PLIN5: variants seen among roughly 807,000 people sequenced by gnomAD.
The protein encoded by PLIN5 is perilipin 5, also known as perilipin-5.
A neutral mutation model predicts 32.8 loss-of-function variants in PLIN5; 34 were observed. That is an observed-to-expected ratio of 1.04 (90% confidence interval 0.79 to 1.38). The LOEUF is 1.38. Ranked by LOEUF, PLIN5 falls within the 40% of genes most tolerant of loss-of-function variation. The pLI is 0.00. For synonymous variants in PLIN5, 309 were observed against 292.9 expected (o/e 1.05, Z -0.56); for missense variants, 712 against 660.5 (o/e 1.08, Z -0.85).
chr19:4,529,453 T>C lies in PLIN5; in HGVS notation c.340-200A>G, dbSNP rs995998125. 2.4e-5 allele frequency: 14 copies of C among 593,566 alleles called. 4 individuals are homozygous for C. The allele number at this position is 593,566 out of a possible 1,614,324, so 36.8% of individuals were successfully genotyped here. A position where few individuals can be genotyped will look rare whatever the true frequency, so the allele number is the denominator to read the frequency against. Reference sequence around the variant, plus strand: ...GTTAACTGCCCTTACTAGCAATACATATGTATACACACATACATATACATA... The same window carrying C: ...GTTAACTGCCCTTACTAGCAATACACATGTATACACACATACATATACATA... On this transcript the variant is annotated intron_variant, in intron 4 of 7. Coordinates refer to ENST00000381848, the MANE Select transcript of PLIN5 (RefSeq NM_001013706.3).
At position 4,525,837 on chromosome 19, in the gene PLIN5, AGGACAGGATACGGGGACAGCACGG is replaced by A. The variant is rs1198292058; in HGVS notation, c.521-29_521-6del. On this transcript the variant is annotated splice_region_variant and splice_polypyrimidine_tract_variant and intron_variant, in intron 5 of 7. Transcript: ENST00000381848. The surrounding 1 kb of genome is among the most constrained non-coding windows in gnomAD (Gnocchi z 5.6). ...CAGCCTCAGCCGCCAGTGCCGCTGG[AGGACAGGATACGGGGACAGCACGG>A]GGACAGGATACGGGGACAGCACGGG... 3.5e-3 allele frequency: 5,590 copies of A among 1,592,024 alleles called. 429 individuals carry two copies. The highest frequency in any genetic ancestry group is 0.029 in the African/African-American group (1,880 of 65,410).
Position 4,523,352 on chromosome 19 carries a change from G to A in PLIN5, c.*176C>T, listed in dbSNP as rs547521315. On this transcript the variant is annotated 3_prime_UTR_variant, in exon 8 of 8. Coordinates refer to ENST00000381848, the MANE Select transcript of PLIN5 (RefSeq NM_001013706.3). This position sits in a 1 kb window ranked among gnomAD's most constrained non-coding sequence, Gnocchi z 5.0. ...CTCCCCCGGGCCTCTTTGTCCATGT[G>A]TTCAAGGAAAAAATGGGAGAGTCCA... 6.8e-4 allele frequency: 474 copies of A among 701,016 alleles called. 3 individuals carry two copies. The highest frequency in any genetic ancestry group is 2.5e-3 in the South Asian group (91 of 37,056). The allele number at this position is 701,016 out of a possible 1,614,324, so 43.4% of individuals were successfully genotyped here.
At chr19:4,526,361 A>G (rs1407692307) in intron 5 of PLIN5, among the ~76,000 whole-genome samples, 2 of 152,134 alleles carry the variant, frequency 1.3e-5, no homozygotes, top group African/African-American at 2.4e-5. Flanking sequence ...AGCTGGGACC[A>G]CAGGCGTGCA....
chr19:4,524,096 C>T lies in PLIN5; in HGVS notation c.835-11G>A, dbSNP rs998045508. On this transcript the variant is annotated splice_polypyrimidine_tract_variant and intron_variant, in intron 7 of 7. Coordinates refer to ENST00000381848, the MANE Select transcript of PLIN5 (RefSeq NM_001013706.3). ...CGTCTCCAGCTCTGCCTGCAGGGGG[C>T]GGGGACCTCAGTTTCCCCTATGGAC... 3.2e-5 allele frequency: 45 copies of T among 1,404,232 alleles called. No individual in the cohort carries two copies. The highest frequency in any genetic ancestry group is 3.7e-5 in the Non-Finnish European group (40 of 1,086,200). The allele number at this position is 1,404,232 out of a possible 1,614,324, so 87.0% of individuals were successfully genotyped here. A position where few individuals can be genotyped will look rare whatever the true frequency, so the allele number is the denominator to read the frequency against.
chr19:4,531,942 A>G, intron 2 of PLIN5, 120 bp from the exon 3 acceptor site: 1 of 1,018,972 alleles, frequency 9.8e-7, no homozygotes, highest in Non-Finnish European at 1.4e-6. Context: ...TGGAGTACTG[A>G]GCACCCCGCC....
At position 4,535,156 on chromosome 19, in the gene PLIN5, G is replaced by A. The variant is rs1045749118; in HGVS notation, c.-22+9C>T. The A allele has an allele frequency of 6.6e-6, 1 of 150,672 alleles. No homozygotes were observed. Among genetic ancestry groups the A allele is most frequent in the African/African-American group, 2.4e-5 (1 of 40,892 alleles). The allele number at this position is 150,672 out of a possible 1,614,324, so 9.3% of individuals were successfully genotyped here. On this transcript the variant is annotated intron_variant, in intron 1 of 7. Transcript: ENST00000381848. ...GGGCGCTCCCGGACGCCGCCCTCAG[G>A]GCACTCACCTGGGCGCGAGCGGCTT...
chr19:4,533,857 G>C, intron 2 of PLIN5, 158 bp downstream of exon 2: 1 of 813,294 alleles, frequency 1.2e-6, no homozygotes, highest in Non-Finnish European at 1.9e-6. Context: ...CCCCCACTAG[G>C]AAATAGACCA....
chr19:4,532,955 A>G (rs1010453191), intron 2 of PLIN5: 1 of 152,164 alleles, frequency 6.6e-6, no homozygotes, highest in African/African-American at 2.4e-5. Context: ...GGCATGAGCC[A>G]CTGCACCTGG....
intron 2 of PLIN5, chr19:4,533,707 G>A (rs1976914107): frequency 2.0e-6 from 1 of 511,872 alleles, no homozygotes; most frequent in East Asian, 3.0e-5. Flanking sequence ...TGTTACTGAG[G>A]GCGCCATGAT....
chr19:4,529,554 A>G (rs1481431255), intron 4 of PLIN5: 5 of 514,448 alleles, frequency 9.7e-6, no homozygotes, highest in South Asian at 9.2e-5. Context: ...GTATATATAC[A>G]TATATACTTA....
chr19:4,529,521 C>CATATAT, intron 4 of PLIN5: 1 of 496,766 alleles, frequency 2.0e-6, no homozygotes, highest in Non-Finnish European at 3.6e-6. Flanking sequence ...TGTATATATA[C>CATATAT]ACATATACAT....
In PLIN5 at chr19:4,525,202, G is replaced by T; in HGVS notation, c.721-126C>A. 1.6e-6 allele frequency: 1 copy of T among 624,922 alleles called. No homozygotes were observed. Among genetic ancestry groups the T allele is most frequent in the Non-Finnish European group, 2.7e-6 (1 of 373,270 alleles). 38.7% of individuals were successfully genotyped at this position (624,922 alleles called of 1,614,324 possible). A position where few individuals can be genotyped will look rare whatever the true frequency, so the allele number is the denominator to read the frequency against. On this transcript the variant is annotated intron_variant, in intron 6 of 7. Transcript: ENST00000381848. This position sits in a 1 kb window ranked among gnomAD's most constrained non-coding sequence, Gnocchi z 5.6. ...AGGAGACCGAGGCAGGTTGTGCAGG[G>T]CCGTGGGGAAGACTTGGGCTTGGAC... is the stretch of plus-strand genomic sequence containing the variant.
At chr19:4,532,764 G>A (rs1261734977) in intron 2 of PLIN5, 1 of 152,244 alleles carries the variant, frequency 6.6e-6, no homozygotes, top group Non-Finnish European at 1.5e-5. Context: ...AAGCCTCCTA[G>A]CCTCAAGCAA....
Position 4,531,627 on chromosome 19 carries a change from G to T in PLIN5, c.256C>A (p.Leu86Met). The T allele has an allele frequency of 1.3e-6, 2 of 1,515,400 alleles. No homozygotes were observed. The highest frequency in any genetic ancestry group is 8.8e-7 in the Non-Finnish European group (1 of 1,133,242). The allele number at this position is 1,515,400 out of a possible 1,614,324, so 93.9% of individuals were successfully genotyped here. ...QPLLEHLQPQ[L>M]ATMNSLACRG... ...CAGGGACACGGGCCAGGGCACTCAC[G>T]CTGGGGCTGCAGGTGCTCGAGCAGC... The change falls in exon 3 of 8, where the codon CTG becomes ATG. Residue 86 changes from leucine (L) to methionine (M), a missense_variant and splice_region_variant. Transcript: ENST00000381848.
chr19:4,523,954 A>AC lies in PLIN5; in HGVS notation c.965dup (p.Ser322ArgfsTer11). 1.3e-6 allele frequency: 2 copies of AC among 1,528,024 alleles called. No homozygotes were observed. Among genetic ancestry groups the AC allele is most frequent in the Non-Finnish European group, 1.7e-6 (2 of 1,144,926 alleles). 94.7% of individuals were successfully genotyped at this position (1,528,024 alleles called of 1,614,324 possible). Reference sequence around the variant, plus strand: ...CGAAGGCGGTCTGCAGGGCATCCACACTGCGCCGCACCTCAGCCACCTTCT... The same window carrying AC: ...CGAAGGCGGTCTGCAGGGCATCCACACCTGCGCCGCACCTCAGCCACCTTCT... On this transcript the variant is annotated frameshift_variant, in exon 8 of 8. Coordinates refer to ENST00000381848, the MANE Select transcript of PLIN5 (RefSeq NM_001013706.3). LOFTEE classifies it low-confidence loss of function (END_TRUNC). The surrounding 1 kb of genome is among the most constrained non-coding windows in gnomAD (Gnocchi z 5.0).
intron 3 of PLIN5, 40 bp from the exon 4 acceptor site, chr19:4,529,906 C>G (rs758538661): frequency 7.2e-7 from 1 of 1,382,620 alleles, no homozygotes; most frequent in Middle Eastern, 2.0e-4. Context: ...CGGGGAGACG[C>G]AGAGGGAGAT....
Position 4,531,803 on chromosome 19 carries a change from A to T in PLIN5, c.80T>A (p.Val27Glu). ...QDQQNVVQRV[V>E]ALPLVRATCT... Reference sequence around the variant, plus strand: ...CGTGGCCCTGACCAGGGGCAGAGCCACCACACGCTGCACCACGTTCTGCGG... The same window carrying T: ...CGTGGCCCTGACCAGGGGCAGAGCCTCCACACGCTGCACCACGTTCTGCGG... Residue 27 changes from valine to glutamate, a missense_variant, in exon 3 of 8, where the codon GTG becomes GAG. Coordinates refer to ENST00000381848, the MANE Select transcript of PLIN5 (RefSeq NM_001013706.3). 1 of 1,572,924 alleles carries T rather than the reference A, an allele frequency of 6.4e-7. No individual in the cohort carries two copies. The highest frequency in any genetic ancestry group is 1.7e-5 in the Admixed American group (1 of 57,782).
intron 4 of PLIN5, 51 bp downstream of exon 4, chr19:4,529,733 T>G: frequency 9.1e-7 from 1 of 1,102,346 alleles, no homozygotes; most frequent in Non-Finnish European, 1.4e-6. Flanking sequence ...CTCCCGCCTC[T>G]AATCTGGCCT....
chr19:4,530,432 G>A (rs539575763), intron 3 of PLIN5, among the ~76,000 whole-genome samples: 3 of 152,304 alleles, frequency 2.0e-5, no homozygotes, highest in Non-Finnish European at 2.9e-5. Flanking sequence ...AGAGGCCAAG[G>A]ATCCTGTAGT....
Sources: gnomAD v4.1 joint callset for allele counts (sites outside exome capture counted in the v4.1 genomes callset) on GRCh38, gnomAD v4.1.1 for gene constraint, Gnocchi (gnomAD v3.1) non-coding constraint, MANE v1.5 for transcripts, NCBI Gene and HGNC (gene_info 2026-07-23, HGNC 2026-07-21) for gene names.